UBE2E2: variants seen among roughly 807,000 people sequenced by gnomAD.
UBE2E2 encodes the protein ubiquitin conjugating enzyme E2 E2.
UBE2E2 carries 6 observed loss-of-function variants against 24.7 expected under a neutral mutation model. The ratio of observed to expected loss-of-function variants is 0.24; its 90% CI spans 0.13 to 0.48. The LOEUF is 0.48. UBE2E2 is among the 20% of genes least tolerant of loss of function. The pLI is 0.99. For synonymous variants in UBE2E2, 104 were observed against 83.6 expected, an observed-to-expected ratio of 1.24 and a Z score of -1.33; for missense variants, 169 against 245.0, an observed-to-expected ratio of 0.69 and a Z score of 2.07.
rs564156679 is a variant in UBE2E2 at position 23,442,287 on chromosome 3, C to T, written c.228-57321C>T. ...AATGAACTTAAGGAGAATACCAAAACATTTCTAAATTTAAAAAAAAAAATG... is the reference window on the plus strand; with the variant it reads ...AATGAACTTAAGGAGAATACCAAAATATTTCTAAATTTAAAAAAAAAAATG... On this transcript the variant is annotated intron_variant, in intron 3 of 5. Transcript: ENST00000396703. Among the ~76,000 whole-genome samples, 8 of 151,246 alleles carry T rather than the reference C, an allele frequency of 5.3e-5. No individual in the cohort carries two copies. In the South Asian group the frequency reaches 1.3e-3, roughly 24 times the overall value.
chr3:23,419,709 C>T (rs1404327114), intron 3 of UBE2E2, among the ~76,000 whole-genome samples: 1 of 152,102 alleles, frequency 6.6e-6, no homozygotes, highest in Non-Finnish European at 1.5e-5. Flanking sequence ...AAATTATGGC[C>T]TTTGTGTCTC....
At chr3:23,353,830 C>G (rs1046879086) in intron 3 of UBE2E2, among the ~76,000 whole-genome samples, 2 of 152,108 alleles carry the variant, frequency 1.3e-5, no homozygotes, top group Non-Finnish European at 2.9e-5. Context: ...TTTATAGATT[C>G]AATGCCATCC....
chr3:23,475,607 A>C (rs1174573549), intron 3 of UBE2E2, among the ~76,000 whole-genome samples: 1 of 152,090 alleles, frequency 6.6e-6, no homozygotes, highest in Non-Finnish European at 1.5e-5. Flanking sequence ...ACTCAGAAGG[A>C]GCCAAGAAAC....
chr3:23,341,060 G>A lies in UBE2E2; in HGVS notation c.227+123748G>A, dbSNP rs796435202. Among the ~76,000 whole-genome samples, 16 of 152,286 alleles carry A rather than the reference G, an allele frequency of 1.1e-4. 1 individual carries two copies. The highest frequency in any genetic ancestry group is 3.6e-4 in the African/African-American group (15 of 41,568). The stretch of plus-strand genomic sequence containing the variant: ...ATGTTTCTTTTGAAATGCAGACCAT[G>A]GTTCCAAGAAGTTTATGCTCACAGA... On this transcript the variant is annotated intron_variant, in intron 3 of 5. Coordinates refer to ENST00000396703, the MANE Select transcript of UBE2E2 (RefSeq NM_152653.4).
At chr3:23,517,476 T>A (rs1448361779) in intron 4 of UBE2E2, among the ~76,000 whole-genome samples, 2 of 152,134 alleles carry the variant, frequency 1.3e-5, no homozygotes, top group African/African-American at 4.8e-5. Context: ...AAGCTCTCGA[T>A]CAATTGTCAT....
intron 3 of UBE2E2, among the ~76,000 whole-genome samples, chr3:23,296,035 T>C (rs1698898655): frequency 6.6e-6 from 1 of 152,172 alleles, no homozygotes; most frequent in South Asian, 2.1e-4. Context: ...GCTTCAAACA[T>C]TTCTAAATAG....
chr3:23,276,965 C>CA (rs1279107191), intron 3 of UBE2E2, among the ~76,000 whole-genome samples: 5 of 151,722 alleles, frequency 3.3e-5, no homozygotes, highest in African/African-American at 4.8e-5. Context: ...AAAACAAAAA[C>CA]AAAAAAATGT....
At chr3:23,575,954 G>A (rs577981846) in intron 5 of UBE2E2, among the ~76,000 whole-genome samples, 6 of 152,164 alleles carry the variant, frequency 3.9e-5, no homozygotes, top group East Asian at 1.9e-4. Flanking sequence ...ACACAGCTAC[G>A]GTACATTGTT....
intron 5 of UBE2E2, among the ~76,000 whole-genome samples, chr3:23,534,556 A>T (rs1214976992): frequency 1.3e-5 from 2 of 152,228 alleles, no homozygotes; most frequent in Middle Eastern, 3.2e-3. Flanking sequence ...TTAGTTTATC[A>T]CACTTTTTAA....
At chr3:23,511,827 A>G (rs192932764) in intron 4 of UBE2E2, among the ~76,000 whole-genome samples, 1 of 152,216 alleles carries the variant, frequency 6.6e-6, no homozygotes, top group African/African-American at 2.4e-5. Context: ...CAAGGAAAAA[A>G]CCTCATTTGT....
At chr3:23,451,516 A>AGC (rs2125416558) in intron 3 of UBE2E2, among the ~76,000 whole-genome samples, 1 of 152,294 alleles carries the variant, frequency 6.6e-6, no homozygotes, top group Admixed American at 6.5e-5. Context: ...GTCTTCAGTG[A>AGC]GCGCTTCTGA....
At chr3:23,328,010 A>G (rs1694949956) in intron 3 of UBE2E2, among the ~76,000 whole-genome samples, 1 of 152,192 alleles carries the variant, frequency 6.6e-6, no homozygotes, top group Non-Finnish European at 1.5e-5. Flanking sequence ...TATATGCAGT[A>G]TACAATAAGT....
intron 4 of UBE2E2, among the ~76,000 whole-genome samples, chr3:23,525,038 CT>C (rs1174807210): frequency 6.6e-6 from 1 of 152,068 alleles, no homozygotes; most frequent in East Asian, 1.9e-4. Flanking sequence ...ATTCTTGAGG[CT>C]TTAGGGGAAA....
chr3:23,435,753 A>C (rs962960404), intron 3 of UBE2E2, among the ~76,000 whole-genome samples: 1 of 152,210 alleles, frequency 6.6e-6, no homozygotes, highest in Admixed American at 6.5e-5. Flanking sequence ...GAAGAACTGC[A>C]TCTGGCCCCT....
At chr3:23,467,066 C>T (rs1273594647) in intron 3 of UBE2E2, among the ~76,000 whole-genome samples, 1 of 151,920 alleles carries the variant, frequency 6.6e-6, no homozygotes, top group African/African-American at 2.4e-5. Flanking sequence ...CTGTTTCTCC[C>T]CCAAAAAAGT....
At chr3:23,454,536 T>C (rs1698632640) in intron 3 of UBE2E2, among the ~76,000 whole-genome samples, 1 of 152,174 alleles carries the variant, frequency 6.6e-6, no homozygotes, top group Non-Finnish European at 1.5e-5. Context: ...TGGAATAAAT[T>C]GCCAGAAAAG....
chr3:23,273,906 C>T (rs1156425489), intron 3 of UBE2E2: 1 of 152,234 alleles, frequency 6.6e-6, no homozygotes, highest in Non-Finnish European at 1.5e-5. Context: ...CTTGACTAGC[C>T]ATATATGTAT....
intron 3 of UBE2E2, among the ~76,000 whole-genome samples, chr3:23,369,795 G>C (rs71322175): frequency 0.099 from 15,112 of 152,130 alleles, 900 homozygotes; most frequent in East Asian, 0.13. Context: ...ATCCAGTGAT[G>C]TTTTTATATA....
chr3:23,408,603 TGAA>T (rs1293933183), intron 3 of UBE2E2, among the ~76,000 whole-genome samples: 1 of 152,170 alleles, frequency 6.6e-6, no homozygotes, highest in Non-Finnish European at 1.5e-5. Context: ...ATATAGGACC[TGAA>T]TTTGAAGTGA....
Sources: gnomAD v4.1 joint callset for allele counts (sites outside exome capture counted in the v4.1 genomes callset) on GRCh38, gnomAD v4.1.1 for gene constraint, MANE v1.5 for transcripts, NCBI Gene and HGNC (gene_info 2026-07-23, HGNC 2026-07-21) for gene names.